The following LRRC4C variants were observed in gnomAD, a reference collection of about 807,000 sequenced individuals.
LRRC4C encodes leucine rich repeat containing 4C.
A neutral mutation model predicts 33.6 loss-of-function variants in LRRC4C; 5 were observed. The observed-to-expected ratio is 0.15, with a 90% CI of 0.08 to 0.31. The LOEUF (loss-of-function observed/expected upper bound fraction) is 0.31. LRRC4C is among the 10% of genes least tolerant of loss of function. The pLI, the probability that LRRC4C is intolerant of heterozygous loss-of-function variation, is 1.00. For synonymous variants in LRRC4C, 329 were observed against 302.0 expected, an observed-to-expected ratio of 1.09 and a Z score of -0.93; for missense variants, 560 against 796.7, an observed-to-expected ratio of 0.70 and a Z score of 3.58.
At chr11:40,769,960 C>T (rs930042402) in intron 2 of LRRC4C, among the ~76,000 whole-genome samples, 1 of 151,868 alleles carries the variant, frequency 6.6e-6, no homozygotes, top group Non-Finnish European at 1.5e-5. Context: ...GCCTTATATC[C>T]CCAACCAGAG....
chr11:40,124,607 A>C (rs1286561875), intron 6 of LRRC4C, among the ~76,000 whole-genome samples: 1 of 152,178 alleles, frequency 6.6e-6, no homozygotes, highest in South Asian at 2.1e-4. Context: ...TAAAAAGTAA[A>C]ACAATTGACT....
At chr11:41,093,989 G>A (rs898176630) in intron 1 of LRRC4C, among the ~76,000 whole-genome samples, 9 of 148,120 alleles carry the variant, frequency 6.1e-5, no homozygotes, top group African/African-American at 2.2e-4. Flanking sequence ...TGTGCCTGTA[G>A]TCCCAGCTAC....
intron 1 of LRRC4C, among the ~76,000 whole-genome samples, chr11:41,318,336 T>A (rs1005010853): frequency 2.0e-5 from 3 of 152,218 alleles, no homozygotes; most frequent in Non-Finnish European, 2.9e-5. Context: ...CATTTTTATG[T>A]CATACTACCT....
At chr11:40,928,715 T>C (rs1957492112) in intron 2 of LRRC4C, among the ~76,000 whole-genome samples, 2 of 152,160 alleles carry the variant, frequency 1.3e-5, no homozygotes, top group African/African-American at 2.4e-5. Flanking sequence ...TTGACTATTA[T>C]AAAACTATGT....
intron 3 of LRRC4C, among the ~76,000 whole-genome samples, chr11:40,368,329 C>T (rs1338308450): frequency 6.6e-6 from 1 of 152,080 alleles, no homozygotes; most frequent in African/African-American, 2.4e-5. Flanking sequence ...GTTCTTACTT[C>T]TTAATCTTAG....
chr11:40,629,617 T>C (rs1963278330), intron 3 of LRRC4C, among the ~76,000 whole-genome samples: 2 of 152,174 alleles, frequency 1.3e-5, no homozygotes, highest in Admixed American at 1.3e-4. Flanking sequence ...TTAACTTAAG[T>C]CTCTCACCTG....
At position 40,919,245 on chromosome 11, in the gene LRRC4C, A is replaced by G. The variant is rs558145675; in HGVS notation, c.-407+14390T>C. Among the ~76,000 whole-genome samples the G allele has an allele frequency of 1.9e-4, 29 of 152,258 alleles. No individual in the cohort carries two copies. The South Asian group carries it at 5.0e-3, about 26-fold the overall frequency. On this transcript the variant is annotated intron_variant, in intron 2 of 6. Transcript: ENST00000528697. ...AAAGATCATGGATTCCAGCTGTATCACAGTGTAGGGTCTTATAGATCCAGG... is the reference window on the plus strand; with the variant it reads ...AAAGATCATGGATTCCAGCTGTATCGCAGTGTAGGGTCTTATAGATCCAGG...
intron 1 of LRRC4C, among the ~76,000 whole-genome samples, chr11:41,196,842 G>C (rs1434534938): frequency 6.6e-6 from 1 of 151,982 alleles, no homozygotes; most frequent in African/African-American, 2.4e-5. Flanking sequence ...TTTACTGCCA[G>C]GATCTAATTA....
intron 3 of LRRC4C, among the ~76,000 whole-genome samples, chr11:40,439,537 C>T (rs1475176292): frequency 3.3e-5 from 5 of 151,344 alleles, no homozygotes; most frequent in African/African-American, 1.2e-4. Flanking sequence ...CACTGAAACC[C>T]CCACCTCCCA....
At chr11:40,155,439 A>G (rs1858605533) in intron 5 of LRRC4C, among the ~76,000 whole-genome samples, 1 of 152,184 alleles carries the variant, frequency 6.6e-6, no homozygotes, top group African/African-American at 2.4e-5. Flanking sequence ...AAAGATACAT[A>G]AAATTGATAG....
intron 3 of LRRC4C, among the ~76,000 whole-genome samples, chr11:40,512,046 GA>G (rs1202252415): frequency 2.6e-5 from 4 of 151,656 alleles, no homozygotes; most frequent in Non-Finnish European, 4.4e-5. Context: ...CAGAAAAAAA[GA>G]AAAAAAATCC....
intron 1 of LRRC4C, among the ~76,000 whole-genome samples, chr11:41,084,840 C>G (rs554142466): frequency 2.6e-5 from 4 of 152,232 alleles, no homozygotes; most frequent in Admixed American, 2.6e-4. Flanking sequence ...AAGAGTGAGA[C>G]TCTGTCTAAA....
chr11:41,037,352 G>GT (rs1857143678), intron 1 of LRRC4C, among the ~76,000 whole-genome samples: 1 of 145,306 alleles, frequency 6.9e-6, no homozygotes, highest in South Asian at 2.2e-4. Context: ...TTTTTGTTTT[G>GT]TTTTTCAGAC....
At chr11:40,328,076 T>A (rs1019110347) in intron 3 of LRRC4C, among the ~76,000 whole-genome samples, 1 of 152,162 alleles carries the variant, frequency 6.6e-6, no homozygotes, top group Non-Finnish European at 1.5e-5. Flanking sequence ...TGAAATATTT[T>A]TATATATATT....
chr11:41,345,862 A>G (rs1951787118), intron 1 of LRRC4C, among the ~76,000 whole-genome samples: 1 of 152,214 alleles, frequency 6.6e-6, no homozygotes. Context: ...GATGTTTCAG[A>G]AAGGTATTTG....
At chr11:41,362,132 A>C (rs562180464) in intron 1 of LRRC4C, among the ~76,000 whole-genome samples, 89 of 152,272 alleles carry the variant, frequency 5.8e-4, no homozygotes, top group African/African-American at 2.0e-3. Context: ...TTCCTCACTC[A>C]TATCAGAGGA....
intron 3 of LRRC4C, among the ~76,000 whole-genome samples, chr11:40,439,453 ATTCT>A (rs1361082072): frequency 5.4e-5 from 8 of 147,714 alleles, no homozygotes; most frequent in Non-Finnish European, 9.0e-5. Flanking sequence ...TAATCCATTT[ATTCT>A]TTTTTTTTTT....
At chr11:40,262,847 G>A (rs1941961682) in intron 4 of LRRC4C, among the ~76,000 whole-genome samples, 1 of 152,080 alleles carries the variant, frequency 6.6e-6, no homozygotes, top group Admixed American at 6.6e-5. Flanking sequence ...AGGGGGCTAG[G>A]GAAGGGATAG....
intron 1 of LRRC4C, among the ~76,000 whole-genome samples, chr11:41,002,982 T>C (rs964567497): frequency 6.6e-6 from 1 of 152,182 alleles, no homozygotes; most frequent in Non-Finnish European, 1.5e-5. Flanking sequence ...ACATGTGTAA[T>C]ATTTATGTTA....
Sources: gnomAD v4.1 joint callset for allele counts (sites outside exome capture counted in the v4.1 genomes callset) on GRCh38, gnomAD v4.1.1 for gene constraint, MANE v1.5 for transcripts, NCBI Gene and HGNC (gene_info 2026-07-23, HGNC 2026-07-21) for gene names.